DACH1: variants seen among roughly 807,000 people sequenced by gnomAD.
The protein encoded by DACH1 is dachshund homolog 1.
Under a neutral mutation model 54.2 loss-of-function variants are expected in DACH1, and 12 were observed. The ratio of observed to expected loss-of-function variants is 0.22; its 90% CI spans 0.14 to 0.36. The LOEUF is 0.36. DACH1 is among the 10% of genes least tolerant of loss of function. The probability of loss-of-function intolerance (pLI) is 1.00; values close to 1 mark genes in which losing one functional copy is unlikely to be tolerated. For synonymous variants in DACH1, 386 were observed against 366.2 expected (o/e 1.05, Z -0.62); for missense variants, 805 against 929.8 (o/e 0.87, Z 1.75).
At chr13:71,719,705 A>C (rs1883143032) in intron 1 of DACH1, among the ~76,000 whole-genome samples, 1 of 152,032 alleles carries the variant, frequency 6.6e-6, no homozygotes, top group South Asian at 2.1e-4. Context: ...TCACTACAAA[A>C]AATTTAAAAA....
At chr13:71,483,141 T>C (rs1473755886) in intron 7 of DACH1, among the ~76,000 whole-genome samples, 1 of 151,850 alleles carries the variant, frequency 6.6e-6, no homozygotes, top group Non-Finnish European at 1.5e-5. Flanking sequence ...TAACAAAATA[T>C]AATACCATAC....
intron 1 of DACH1, among the ~76,000 whole-genome samples, chr13:71,828,638 T>A (rs1403346317): frequency 2.0e-5 from 3 of 151,978 alleles, no homozygotes; most frequent in Non-Finnish European, 2.9e-5. Flanking sequence ...TTTAAAATGT[T>A]CTTTGTTTTT....
At chr13:71,492,602 C>A (rs552511403) in intron 6 of DACH1, among the ~76,000 whole-genome samples, 5 of 152,012 alleles carry the variant, frequency 3.3e-5, no homozygotes, top group African/African-American at 1.2e-4. Flanking sequence ...TGTTTTAAGG[C>A]ACCAGGGTTA....
intron 6 of DACH1, among the ~76,000 whole-genome samples, chr13:71,541,971 G>T (rs910173038): frequency 1.4e-5 from 2 of 146,130 alleles, no homozygotes; most frequent in African/African-American, 2.6e-5. Context: ...TTTCAGGCCG[G>T]GTACGATGGC....
At chr13:71,585,577 C>T (rs535710919) in intron 3 of DACH1, among the ~76,000 whole-genome samples, 18 of 152,136 alleles carry the variant, frequency 1.2e-4, no homozygotes, top group Non-Finnish European at 2.4e-4. Flanking sequence ...CGAAGACATA[C>T]ATAAACGGTG....
At chr13:71,755,407 G>A (rs910689649) in intron 1 of DACH1, among the ~76,000 whole-genome samples, 1 of 152,060 alleles carries the variant, frequency 6.6e-6, no homozygotes, top group Admixed American at 6.6e-5. Context: ...GACATCAGTG[G>A]GCCAGACGAA....
At chr13:71,847,139 A>T (rs765043481) in intron 1 of DACH1, among the ~76,000 whole-genome samples, 3 of 152,194 alleles carry the variant, frequency 2.0e-5, no homozygotes, top group Non-Finnish European at 4.4e-5. Context: ...TTTATGCTTA[A>T]ACTACCATTA....
intron 10 of DACH1, among the ~76,000 whole-genome samples, chr13:71,461,739 C>CTT (rs2138140613): frequency 6.6e-6 from 1 of 151,986 alleles, no homozygotes; most frequent in East Asian, 1.9e-4. Context: ...TTGTATATAA[C>CTT]TTCTCTGGAG....
intron 6 of DACH1, among the ~76,000 whole-genome samples, chr13:71,544,907 G>A (rs1211961612): frequency 6.6e-6 from 1 of 151,882 alleles, no homozygotes; most frequent in East Asian, 1.9e-4. Context: ...AAACAACCCA[G>A]CAAGCAGATC....
intron 1 of DACH1, 114 bp downstream of exon 1, chr13:71,865,808 G>A: frequency 7.6e-7 from 1 of 1,309,804 alleles, no homozygotes; most frequent in African/African-American, 1.6e-5. Context: ...CGCGCTCGCC[G>A]GGGCGCGCGG....
chr13:71,529,641 T>C (rs12866102), intron 6 of DACH1, among the ~76,000 whole-genome samples: 2 of 152,312 alleles, frequency 1.3e-5, no homozygotes, highest in South Asian at 4.1e-4. Context: ...TTCAGATAAC[T>C]TTTTCATATA....
chr13:71,492,699 TTCTC>T, intron 6 of DACH1, among the ~76,000 whole-genome samples: 1 of 151,904 alleles, frequency 6.6e-6, no homozygotes, highest in Middle Eastern at 3.4e-3. Context: ...TTTTTTTAAA[TTCTC>T]TCTCTGCTTC....
At chr13:71,623,167 A>AT (rs1336351400) in intron 3 of DACH1, among the ~76,000 whole-genome samples, 1 of 151,634 alleles carries the variant, frequency 6.6e-6, no homozygotes, top group African/African-American at 2.4e-5. Context: ...ATAGAAATGT[A>AT]TTTTTCCACA....
intron 1 of DACH1, among the ~76,000 whole-genome samples, chr13:71,767,055 C>A (rs1019595341): frequency 1.3e-5 from 2 of 151,942 alleles, no homozygotes; most frequent in Admixed American, 6.6e-5. Flanking sequence ...GCCATTTTTT[C>A]CCCAGTGACA....
intron 3 of DACH1, among the ~76,000 whole-genome samples, chr13:71,596,574 A>T (rs778629308): frequency 6.6e-6 from 1 of 152,214 alleles, no homozygotes; most frequent in Non-Finnish European, 1.5e-5. Flanking sequence ...AAGGAAGACT[A>T]TTACTGTTTT....
At chr13:71,840,456 G>A (rs1484617011) in intron 1 of DACH1, among the ~76,000 whole-genome samples, 1 of 152,046 alleles carries the variant, frequency 6.6e-6, no homozygotes, top group Non-Finnish European at 1.5e-5. Flanking sequence ...TTCTTGAGCT[G>A]GCCGGTTCCT....
chr13:71,537,555 C>A (rs1882886534), intron 6 of DACH1, among the ~76,000 whole-genome samples: 1 of 151,964 alleles, frequency 6.6e-6, no homozygotes, highest in African/African-American at 2.4e-5. Context: ...GGAAAAAAGG[C>A]AGAAGTAGGG....
At chr13:71,586,576 T>C (rs985795206) in intron 3 of DACH1, among the ~76,000 whole-genome samples, 3 of 152,080 alleles carry the variant, frequency 2.0e-5, no homozygotes, top group African/African-American at 7.2e-5. Flanking sequence ...AATTCTTATA[T>C]TCACCAGCTT....
At chr13:71,787,191 G>A (rs1328463300) in intron 1 of DACH1, among the ~76,000 whole-genome samples, 2 of 152,114 alleles carry the variant, frequency 1.3e-5, no homozygotes, top group Admixed American at 1.3e-4. Flanking sequence ...CAAACAAAAG[G>A]GAAAACTCCA....
Sources: gnomAD v4.1 joint callset for allele counts (sites outside exome capture counted in the v4.1 genomes callset) on GRCh38, gnomAD v4.1.1 for gene constraint, MANE v1.5 for transcripts, NCBI Gene and HGNC (gene_info 2026-07-23, HGNC 2026-07-21) for gene names.